The following COG5 variants were observed in gnomAD, a reference collection of about 807,000 sequenced individuals.
The protein encoded by COG5 is conserved oligomeric Golgi complex subunit 5.
COG5 carries 86 observed loss-of-function variants against 110.4 expected under a neutral mutation model. The ratio of observed to expected loss-of-function variants is 0.78; its 90% CI spans 0.65 to 0.93. The LOEUF is 0.93. COG5 is among the 40% of genes least tolerant of loss of function. COG5 has a pLI of 0.00. For synonymous variants in COG5, 360 were observed against 334.6 expected, an observed-to-expected ratio of 1.08 and a Z score of -0.83; for missense variants, 1,077 against 987.0, an observed-to-expected ratio of 1.09 and a Z score of -1.22.
chr7:107,283,788 T>C, intron 12 of COG5, 56 bp from the exon 13 acceptor site: 1 of 1,294,444 alleles, frequency 7.7e-7, no homozygotes, highest in Admixed American at 1.7e-5. Context: ...CTAAATGCTA[T>C]TGTATCAGGC....
chr7:107,560,153 T>C (rs1362723387), intron 1 of COG5, among the ~76,000 whole-genome samples: 1 of 152,208 alleles, frequency 6.6e-6, no homozygotes, highest in Non-Finnish European at 1.5e-5. Context: ...CCAGTTGACC[T>C]TTCACACAGA....
intron 11 of COG5, among the ~76,000 whole-genome samples, chr7:107,308,201 TG>T (rs1233375244): frequency 6.6e-6 from 1 of 152,220 alleles, no homozygotes; most frequent in Admixed American, 6.5e-5. Context: ...CTGTATTTCC[TG>T]TAAATCATCA....
intron 6 of COG5, among the ~76,000 whole-genome samples, chr7:107,428,980 C>T (rs892606103): frequency 1.3e-5 from 2 of 152,158 alleles, no homozygotes; most frequent in East Asian, 3.9e-4. Context: ...GAAGCACAGG[C>T]ATCAGATATT....
chr7:107,262,675 G>T (rs1803451964), intron 14 of COG5, among the ~76,000 whole-genome samples: 1 of 152,052 alleles, frequency 6.6e-6, no homozygotes, highest in Non-Finnish European at 1.5e-5. Context: ...CTAGGAGATT[G>T]TTCCTCACCT....
At chr7:107,421,208 T>G (rs1367396706) in intron 6 of COG5, among the ~76,000 whole-genome samples, 1 of 152,186 alleles carries the variant, frequency 6.6e-6, no homozygotes, top group Non-Finnish European at 1.5e-5. Context: ...CCCTCCATCG[T>G]CAACAGAAAG....
chr7:107,204,525 A>G (rs756037499), intron 21 of COG5, among the ~76,000 whole-genome samples: 6 of 152,196 alleles, frequency 3.9e-5, no homozygotes, highest in African/African-American at 9.7e-5. Flanking sequence ...ATTTTCTTCA[A>G]AATTTCAGTT....
chr7:107,439,971 C>A (rs977969423), intron 6 of COG5, among the ~76,000 whole-genome samples: 2 of 152,166 alleles, frequency 1.3e-5, no homozygotes, highest in Non-Finnish European at 2.9e-5. Flanking sequence ...ACTGTCTACC[C>A]TGAATTTATA....
chr7:107,201,506 G>A lies in COG5; in HGVS notation c.*2010C>T. 1.1e-6 allele frequency: 1 copy of A among 896,810 alleles called. No individual in the cohort carries two copies. The highest frequency in any genetic ancestry group is 1.8e-6 in the Non-Finnish European group (1 of 551,172). The allele number at this position is 896,810 out of a possible 1,614,324, so 55.6% of individuals were successfully genotyped here. On this transcript the variant is annotated 3_prime_UTR_variant, in exon 22 of 22. Coordinates refer to ENST00000297135, the MANE Select transcript of COG5 (RefSeq NM_006348.5). Reference sequence around the variant, plus strand: ...TGATGGAAAGACTTAAGAAGATCAAGGTCTCACCATTTGTCCTCAATTCGT... The same window carrying A: ...TGATGGAAAGACTTAAGAAGATCAAAGTCTCACCATTTGTCCTCAATTCGT...
intron 6 of COG5, chr7:107,472,945 C>T (rs1357891363): frequency 6.6e-6 from 1 of 151,704 alleles, no homozygotes; most frequent in Admixed American, 6.6e-5. Context: ...GAACATTAGA[C>T]ATTATTTTTT....
rs554961666 is a variant in COG5 at position 107,258,407 on chromosome 7, A to C, written c.1576-24T>G. On this transcript the variant is annotated intron_variant, in intron 14 of 21. Transcript: ENST00000297135. ...AGCTGTAAGAATTCAATTTCAAAAG[A>C]ATGTGTCAGAATGATAATTCTCTCT... 4.7e-6 allele frequency: 6 copies of C among 1,275,488 alleles called. No homozygotes were observed. In the East Asian group the frequency reaches 1.4e-4, roughly 29 times the overall value. 79.0% of individuals were successfully genotyped at this position (1,275,488 alleles called of 1,614,324 possible). A position where few individuals can be genotyped will look rare whatever the true frequency, so the allele number is the denominator to read the frequency against.
intron 10 of COG5, among the ~76,000 whole-genome samples, chr7:107,344,593 G>C (rs1811439913): frequency 6.6e-6 from 1 of 152,052 alleles, no homozygotes; most frequent in African/African-American, 2.4e-5. Context: ...GGTGCAATCT[G>C]GGCTCACCAC....
chr7:107,228,040 T>C (rs1449325004), intron 19 of COG5, among the ~76,000 whole-genome samples: 2 of 152,138 alleles, frequency 1.3e-5, no homozygotes, highest in Non-Finnish European at 2.9e-5. Flanking sequence ...CCTGCCATAC[T>C]TGTAATCCCA....
At chr7:107,471,938 T>C (rs1467212839) in intron 6 of COG5, 1 of 152,012 alleles carries the variant, frequency 6.6e-6, no homozygotes, top group Non-Finnish European at 1.5e-5. Flanking sequence ...AGTTATGTGA[T>C]CAAGAAATCA....
chr7:107,277,958 C>A (rs1020581345), intron 14 of COG5, among the ~76,000 whole-genome samples: 2 of 151,940 alleles, frequency 1.3e-5, no homozygotes, highest in African/African-American at 4.8e-5. Context: ...ATCTACTATA[C>A]CCCAGAATAT....
At chr7:107,509,517 G>C in intron 6 of COG5, among the ~76,000 whole-genome samples, 1 of 152,128 alleles carries the variant, frequency 6.6e-6, no homozygotes, top group Non-Finnish European at 1.5e-5. Context: ...AGCAAGGCAG[G>C]CCAACATTCA....
At chr7:107,229,827 G>GTT (rs142759073) in intron 19 of COG5, among the ~76,000 whole-genome samples, 21 of 129,358 alleles carry the variant, frequency 1.6e-4, no homozygotes, top group Admixed American at 7.0e-4. Flanking sequence ...AGATTCTTCT[G>GTT]TTTTTTTTTT....
At chr7:107,241,768 T>C (rs2116497909) in intron 17 of COG5, among the ~76,000 whole-genome samples, 1 of 152,070 alleles carries the variant, frequency 6.6e-6, no homozygotes, top group Admixed American at 6.5e-5. Context: ...TCATATATTT[T>C]TTAAAATAGA....
chr7:107,513,344 T>C (rs943918560), intron 6 of COG5, among the ~76,000 whole-genome samples: 6 of 151,758 alleles, frequency 4.0e-5, no homozygotes, highest in Non-Finnish European at 7.4e-5. Context: ...AAAACCACAA[T>C]GAGATACCAT....
chr7:107,547,914 A>C, intron 5 of COG5, 197 bp downstream of exon 5: 1 of 602,888 alleles, frequency 1.7e-6, no homozygotes. Flanking sequence ...ATACACTGCA[A>C]TGACAGTGAA....
Sources: gnomAD v4.1 joint callset for allele counts (sites outside exome capture counted in the v4.1 genomes callset) on GRCh38, gnomAD v4.1.1 for gene constraint, MANE v1.5 for transcripts, NCBI Gene and HGNC (gene_info 2026-07-23, HGNC 2026-07-21) for gene names.